The following ZIK1 variants were observed in gnomAD, a reference collection of about 807,000 sequenced individuals.
ZIK1 encodes zinc finger protein interacting with ribonucleoprotein K.
In ZIK1, 12 loss-of-function variants were observed where a neutral mutation model predicts 10.7. The ratio of observed to expected loss-of-function variants is 1.12; its 90% CI spans 0.72 to 1.81. The LOEUF (loss-of-function observed/expected upper bound fraction) is 1.81. Ranked by LOEUF, ZIK1 falls within the 40% of genes most tolerant of loss-of-function variation. The pLI is 0.00. For missense variants in ZIK1, 497 were observed against 585.7 expected (o/e 0.85, Z 1.56); for synonymous variants, 190 against 205.0 (o/e 0.93, Z 0.63).
chr19:57,590,350 T>C lies in ZIK1; in HGVS notation c.539T>C (p.Leu180Ser). 6.2e-7 allele frequency: 1 copy of C among 1,614,226 alleles called. No homozygotes were observed. The highest frequency in any genetic ancestry group is 1.3e-5 in the African/African-American group (1 of 75,070). ...GTTGGAAAGGACCTTCCAGCCATGT[T>C]GCGGCTTCTGAGGTCCCTGGTCTTT... ...WEVGKDLPAM[L>S]RLLRSLVFPG... Residue 180 changes from leucine to serine, a missense_variant, in exon 4 of 4, where the codon TTG (leucine) becomes TCG (serine). Transcript: ENST00000597850.
At position 57,591,518 on chromosome 19, in the gene ZIK1, C is replaced by T; in HGVS notation, c.*243C>T. 1.9e-6 allele frequency: 1 copy of T among 518,628 alleles called. No individual in the cohort carries two copies. Among genetic ancestry groups the T allele is most frequent in the Non-Finnish European group, 3.4e-6 (1 of 293,514 alleles). The allele number at this position is 518,628 out of a possible 1,614,324, so 32.1% of individuals were successfully genotyped here. A position where few individuals can be genotyped will look rare whatever the true frequency, so the allele number is the denominator to read the frequency against. ...CACCTTGCACAGTGGGCACTGGTCA[C>T]TCCTATGTGCTAAGACAAGGCAGAC... On this transcript the variant is annotated 3_prime_UTR_variant, in exon 4 of 4. Transcript: ENST00000597850.
At chr19:57,585,145 G>T (rs1008496134) in intron 2 of ZIK1, among the ~76,000 whole-genome samples, 155 bp downstream of exon 2, 1 of 152,188 alleles carries the variant, frequency 6.6e-6, no homozygotes, top group South Asian at 2.1e-4. Context: ...ATTTGTAGAC[G>T]TTCTTATTGC....
At chr19:57,585,183 G>A (rs1979030583) in intron 2 of ZIK1, among the ~76,000 whole-genome samples, 193 bp downstream of exon 2, 1 of 152,212 alleles carries the variant, frequency 6.6e-6, no homozygotes, top group South Asian at 2.1e-4. Flanking sequence ...AGGTGTGAAA[G>A]GTTGCCCCGC....
In ZIK1 at chr19:57,588,549, C is replaced by A; in HGVS notation, c.83C>A (p.Thr28Asn). The change falls in exon 3 of 4, where the codon ACC (threonine) becomes AAC (asparagine). Residue 28 changes from threonine (T) to asparagine (N), a missense_variant. Physicochemically the swap from Thr to Asn is moderately conservative, Grantham distance 65. Transcript: ENST00000597850. ...THMDLTKGCV[T>N]FEDIAIYFSQ... ...TCCCCATCATGACAGGGCTGTGTGA[C>A]CTTTGAGGACATCGCCATTTACTTC... is the stretch of plus-strand genomic sequence containing the variant. 1 of 1,544,646 alleles carries A rather than the reference C, an allele frequency of 6.5e-7. No homozygotes were observed. Among genetic ancestry groups the A allele is most frequent in the East Asian group, 2.4e-5 (1 of 42,226 alleles).
Position 57,593,675 on chromosome 19 carries a change from C to T in ZIK1, c.*2400C>T, listed in dbSNP as rs1384964943. On this transcript the variant is annotated 3_prime_UTR_variant, in exon 4 of 4. Coordinates refer to ENST00000597850, the MANE Select transcript of ZIK1 (RefSeq NM_001010879.4). ...TCTTGCCATACTTGGTATGGTTAGT[C>T]TTTTTAATTTTAGTTGTTTTAATAG... 2.0e-5 allele frequency: 3 copies of T among 151,314 alleles called. No homozygotes were observed. Among genetic ancestry groups the T allele is most frequent in the East Asian group, 3.9e-4 (2 of 5,182 alleles). 9.4% of individuals were successfully genotyped at this position (151,314 alleles called of 1,614,324 possible). A position where few individuals can be genotyped will look rare whatever the true frequency, so the allele number is the denominator to read the frequency against.
At position 57,591,913 on chromosome 19, in the gene ZIK1, G is replaced by A. The variant is rs1031347342; in HGVS notation, c.*638G>A. ...CTATATGAAGGAATGGATGGCTTTTGTGGGCCTCTGCAGGAAAGTAAGATG... is the reference window on the plus strand; with the variant it reads ...CTATATGAAGGAATGGATGGCTTTTATGGGCCTCTGCAGGAAAGTAAGATG... On this transcript the variant is annotated 3_prime_UTR_variant, in exon 4 of 4. Coordinates refer to ENST00000597850, the MANE Select transcript of ZIK1 (RefSeq NM_001010879.4). 2 of 152,188 alleles carry A rather than the reference G, an allele frequency of 1.3e-5. No homozygotes were observed. The highest frequency in any genetic ancestry group is 4.8e-5 in the African/African-American group (2 of 41,430). 9.4% of individuals were successfully genotyped at this position (152,188 alleles called of 1,614,324 possible). A position where few individuals can be genotyped will look rare whatever the true frequency, so the allele number is the denominator to read the frequency against.
chr19:57,589,895 C>A, intron 3 of ZIK1, 116 bp from the exon 4 acceptor site: 1 of 1,301,498 alleles, frequency 7.7e-7, no homozygotes, highest in Non-Finnish European at 1.0e-6. Flanking sequence ...AACTTGCCCC[C>A]AGCTCCATTA....
At chr19:57,588,756 A>G (rs758115553) in intron 3 of ZIK1, 91 bp downstream of exon 3, 1 of 1,301,412 alleles carries the variant, frequency 7.7e-7, no homozygotes, top group Non-Finnish European at 1.0e-6. Flanking sequence ...TATGGGATCC[A>G]GCACTGTGCA....
intron 3 of ZIK1, among the ~76,000 whole-genome samples, chr19:57,589,005 AGTCATT>A (rs1979417218): frequency 6.6e-6 from 1 of 152,146 alleles, no homozygotes; most frequent in African/African-American, 2.4e-5. Flanking sequence ...TCATGATTGT[AGTCATT>A]GTCATTGTCT....
chr19:57,585,801 C>T (rs912265484), intron 2 of ZIK1, among the ~76,000 whole-genome samples: 5 of 151,990 alleles, frequency 3.3e-5, no homozygotes, highest in East Asian at 1.9e-4. Flanking sequence ...CTCCACCTCC[C>T]GGGTTCAAGC....
At position 57,592,760 on chromosome 19, in the gene ZIK1, GAAACATGTTTTAC is replaced by G. The variant is rs1979805795; in HGVS notation, c.*1490_*1502del. On this transcript the variant is annotated 3_prime_UTR_variant, in exon 4 of 4. Coordinates refer to ENST00000597850, the MANE Select transcript of ZIK1 (RefSeq NM_001010879.4). ...GTTGGGTGATCAGATACTTTATTGTGAAACATGTTTTACAAACTTTCTTGATGTGTAAGTGACA... is the reference window on the plus strand; with the variant it reads ...GTTGGGTGATCAGATACTTTATTGTGAAACTTTCTTGATGTGTAAGTGACA... 6.6e-6 allele frequency: 1 copy of G among 152,160 alleles called. No homozygotes were observed. The allele number at this position is 152,160 out of a possible 1,614,324, so 9.4% of individuals were successfully genotyped here.
At chr19:57,589,516 C>A in intron 3 of ZIK1, 1 of 985,404 alleles carries the variant, frequency 1.0e-6, no homozygotes, top group Non-Finnish European at 1.2e-6. Flanking sequence ...GCACTGCTCC[C>A]TCTGCAATGT....
intron 2 of ZIK1, among the ~76,000 whole-genome samples, chr19:57,586,834 C>G (rs1389919021): frequency 1.3e-5 from 2 of 152,190 alleles, no homozygotes; most frequent in African/African-American, 4.8e-5. Context: ...TTCCCCAATT[C>G]CAAAATTGCT....
chr19:57,592,153 CAT>C lies in ZIK1; in HGVS notation c.*881_*882del, dbSNP rs1979750501. ...TTATTCCATTGTTTCCAGAGGATGT[CAT>C]ATGATGCCCAGTGCTGCTGAGAAGC... On this transcript the variant is annotated 3_prime_UTR_variant, in exon 4 of 4. Transcript: ENST00000597850. 6.6e-6 allele frequency: 1 copy of C among 152,132 alleles called. No individual in the cohort carries two copies. The highest frequency in any genetic ancestry group is 1.5e-5 in the Non-Finnish European group (1 of 68,048). 9.4% of individuals were successfully genotyped at this position (152,132 alleles called of 1,614,324 possible). A position where few individuals can be genotyped will look rare whatever the true frequency, so the allele number is the denominator to read the frequency against.
At position 57,592,285 on chromosome 19, in the gene ZIK1, G is replaced by T. The variant is rs1313388377; in HGVS notation, c.*1010G>T. The T allele has an allele frequency of 1.3e-5, 2 of 152,050 alleles. No individual in the cohort carries two copies. The highest frequency in any genetic ancestry group is 4.8e-5 in the African/African-American group (2 of 41,398). 9.4% of individuals were successfully genotyped at this position (152,050 alleles called of 1,614,324 possible). Reference sequence around the variant, plus strand: ...TCACATGTGAACTGTAATTGGTACAGAAATACCTGGGTATTTCTGTACTGT... The same window carrying T: ...TCACATGTGAACTGTAATTGGTACATAAATACCTGGGTATTTCTGTACTGT... On this transcript the variant is annotated 3_prime_UTR_variant, in exon 4 of 4. Transcript: ENST00000597850.
chr19:57,588,588 G>C lies in ZIK1; in HGVS notation c.122G>C (p.Trp41Ser). 1 of 1,583,894 alleles carries C rather than the reference G, an allele frequency of 6.3e-7. No homozygotes were observed. The highest frequency in any genetic ancestry group is 8.6e-7 in the Non-Finnish European group (1 of 1,162,184). Residue 41 changes from tryptophan to serine, a missense_variant, in exon 3 of 4, where the codon TGG becomes TCG. Physicochemically the swap from Trp to Ser is radical, Grantham distance 177. Transcript: ENST00000597850. ...DIAIYFSQDEWGLLDEAQRLL... is the reference protein window; with the variant it reads ...DIAIYFSQDESGLLDEAQRLL... ...GCCATTTACTTCTCACAGGACGAGTGGGGACTTCTTGATGAGGCTCAGAGA... is the reference window on the plus strand; with the variant it reads ...GCCATTTACTTCTCACAGGACGAGTCGGGACTTCTTGATGAGGCTCAGAGA...
Position 57,588,480 on chromosome 19 carries a change from G to A in ZIK1, c.73-59G>A, listed in dbSNP as rs980749660. The A allele has an allele frequency of 1.2e-4, 169 of 1,384,604 alleles. No individual in the cohort carries two copies. In the Middle Eastern group the frequency reaches 1.4e-3, roughly 11 times the overall value. The allele number at this position is 1,384,604 out of a possible 1,614,324, so 85.8% of individuals were successfully genotyped here. ...ATTTCCTTAAGGTGGGGATGATTGC[G>A]TGGGTGGATGAACTTGTGGAGGCGT... On this transcript the variant is annotated intron_variant, in intron 2 of 3. Coordinates refer to ENST00000597850, the MANE Select transcript of ZIK1 (RefSeq NM_001010879.4).
At chr19:57,587,072 G>A (rs1979226247) in intron 2 of ZIK1, among the ~76,000 whole-genome samples, 1 of 152,164 alleles carries the variant, frequency 6.6e-6, no homozygotes, top group Admixed American at 6.5e-5. Context: ...AACTTGTTCA[G>A]GGGAACTCCC....
At chr19:57,589,748 G>T in intron 3 of ZIK1, 1 of 963,738 alleles carries the variant, frequency 1.0e-6, no homozygotes, top group Non-Finnish European at 1.2e-6. Context: ...GATAATTTTT[G>T]AGGCTGTTGG....
Sources: gnomAD v4.1 joint callset for allele counts (sites outside exome capture counted in the v4.1 genomes callset) on GRCh38, gnomAD v4.1.1 for gene constraint, MANE v1.5 for transcripts, NCBI Gene and HGNC (gene_info 2026-07-23, HGNC 2026-07-21) for gene names.